Variants in RSBN1 observed in about 807,000 individuals in gnomAD.
The protein encoded by RSBN1 is lysine-specific demethylase 9.
Under a neutral mutation model 74.8 loss-of-function variants are expected in RSBN1, and 23 were observed. The ratio of observed to expected loss-of-function variants is 0.31; its 90% CI spans 0.22 to 0.44. RSBN1 has a LOEUF of 0.44. Ranked by LOEUF, RSBN1 falls within the 20% of genes least tolerant of loss-of-function variation. The pLI, the probability that RSBN1 is intolerant of heterozygous loss-of-function variation, is 1.00. For missense variants in RSBN1, 808 were observed against 1,020.9 expected (o/e 0.79, Z 2.84); for synonymous variants, 407 against 379.6 (o/e 1.07, Z -0.84).
chr1:113,809,874 T>C (rs1660795383), intron 1 of RSBN1, among the ~76,000 whole-genome samples: 1 of 152,224 alleles, frequency 6.6e-6, no homozygotes, highest in Non-Finnish European at 1.5e-5. Context: ...AGGAACCACA[T>C]ACGGCTACCA....
intron 1 of RSBN1, among the ~76,000 whole-genome samples, chr1:113,801,890 TTAA>T (rs1660590830): frequency 6.6e-6 from 1 of 152,204 alleles, no homozygotes; most frequent in Non-Finnish European, 1.5e-5. Context: ...ATATTATCAA[TTAA>T]TGTCATCTGA....
chr1:113,766,762 T>A (rs1211530944), intron 6 of RSBN1, among the ~76,000 whole-genome samples: 1 of 151,982 alleles, frequency 6.6e-6, no homozygotes, highest in Non-Finnish European at 1.5e-5. Context: ...GGCAACATGT[T>A]TTCTTTTCTT....
Position 113,812,450 on chromosome 1 carries a change from T to C in RSBN1, c.-38A>G. 1.3e-6 allele frequency: 2 copies of C among 1,538,210 alleles called. No individual in the cohort carries two copies. The highest frequency in any genetic ancestry group is 1.7e-6 in the Non-Finnish European group (2 of 1,149,304). On this transcript the variant is annotated 5_prime_UTR_variant, in exon 1 of 7. Coordinates refer to ENST00000261441, the MANE Select transcript of RSBN1 (RefSeq NM_018364.5). ...CGTTCCCAGCTTTTCTCCGCAGGCC[T>C]CTCCAACCGAGCTTCTATTGTAAAG...
chr1:113,785,300 T>C (rs556893851), intron 2 of RSBN1, among the ~76,000 whole-genome samples: 1 of 152,356 alleles, frequency 6.6e-6, no homozygotes, highest in South Asian at 2.1e-4. Flanking sequence ...TCATCTGCTA[T>C]GATAACAAAG....
intron 2 of RSBN1, among the ~76,000 whole-genome samples, chr1:113,785,973 TTTTG>T (rs1221637558): frequency 6.6e-6 from 1 of 152,224 alleles, no homozygotes; most frequent in East Asian, 1.9e-4. Flanking sequence ...GCCTTTGGTT[TTTTG>T]TTTGTTTAGT....
intron 2 of RSBN1, among the ~76,000 whole-genome samples, chr1:113,785,245 T>C (rs528079497): frequency 6.6e-6 from 1 of 152,354 alleles, no homozygotes; most frequent in African/African-American, 2.4e-5. Context: ...CTCCACATCT[T>C]GTCCTGCTGA....
chr1:113,777,039 G>C (rs1660047177), intron 4 of RSBN1, among the ~76,000 whole-genome samples, 171 bp downstream of exon 4: 1 of 152,078 alleles, frequency 6.6e-6, no homozygotes, highest in Non-Finnish European at 1.5e-5. Flanking sequence ...TTGTGTTTTA[G>C]AAAAATGCCT....
At chr1:113,772,517 T>G (rs1365593026) in intron 4 of RSBN1, among the ~76,000 whole-genome samples, 2 of 152,196 alleles carry the variant, frequency 1.3e-5, no homozygotes, top group Non-Finnish European at 2.9e-5. Context: ...ATTGTAAGTC[T>G]TGCTGTATTA....
chr1:113,794,036 A>G (rs944834052), intron 2 of RSBN1, among the ~76,000 whole-genome samples: 1 of 152,138 alleles, frequency 6.6e-6, no homozygotes, highest in East Asian at 1.9e-4. Context: ...AACTGAGCTC[A>G]TCAACACCCT....
At chr1:113,801,963 C>CT (rs575070721) in intron 1 of RSBN1, among the ~76,000 whole-genome samples, 2,444 of 144,380 alleles carry the variant, frequency 0.017, 37 homozygotes, top group South Asian at 0.037. Flanking sequence ...TTATTAAGTT[C>CT]TTTTTTTTTT....
intron 1 of RSBN1, among the ~76,000 whole-genome samples, chr1:113,802,858 T>C (rs898858353): frequency 6.6e-6 from 1 of 152,216 alleles, no homozygotes; most frequent in Non-Finnish European, 1.5e-5. Flanking sequence ...ATTATTCGCC[T>C]GCCCGCAGTC....
At chr1:113,770,630 T>G (rs1003754814) in intron 4 of RSBN1, among the ~76,000 whole-genome samples, 9 of 152,214 alleles carry the variant, frequency 5.9e-5, no homozygotes, top group African/African-American at 2.2e-4. Flanking sequence ...TCACTCTAAG[T>G]TGACAACTGA....
chr1:113,812,371 C>T lies in RSBN1; in HGVS notation c.42G>A (p.Ala14=), dbSNP rs766205813. 3.8e-5 allele frequency: 61 copies of T among 1,602,610 alleles called. No homozygotes were observed. Among genetic ancestry groups the T allele is most frequent in the Admixed American group, 2.5e-4 (15 of 59,878 alleles). ...SGRRTADKWR[A]EERLQCPAGS... ...CCGCTGGGCATTGGAGTCTCTCCTC[C>T]GCCCTCCACTTGTCGGCCGTTCTTC... is the stretch of plus-strand genomic sequence containing the variant. The change falls in exon 1 of 7, where the codon GCG becomes GCA. Residue 14 remains alanine, a synonymous_variant. Coordinates refer to ENST00000261441, the MANE Select transcript of RSBN1 (RefSeq NM_018364.5).
At chr1:113,779,999 G>A (rs971406521) in intron 2 of RSBN1, among the ~76,000 whole-genome samples, 12 of 151,206 alleles carry the variant, frequency 7.9e-5, no homozygotes, top group Admixed American at 4.6e-4. Flanking sequence ...CAGCCTGGGC[G>A]ACAGGGCAAG....
intron 1 of RSBN1, among the ~76,000 whole-genome samples, chr1:113,799,657 ATCTATTGGTGGTAGAAT>A (rs1200209067): frequency 6.6e-6 from 1 of 152,000 alleles, no homozygotes; most frequent in African/African-American, 2.4e-5. Context: ...AATGGTAGTT[ATCTATTGGTGGTAGAAT>A]TCTAAATGTC....
intron 2 of RSBN1, among the ~76,000 whole-genome samples, chr1:113,785,568 C>T (rs1384610024): frequency 6.6e-6 from 1 of 152,094 alleles, no homozygotes; most frequent in African/African-American, 2.4e-5. Flanking sequence ...GCAAACCAGA[C>T]CTATTCCTGG....
At chr1:113,787,989 T>TA (rs1272309445) in intron 2 of RSBN1, among the ~76,000 whole-genome samples, 4 of 151,918 alleles carry the variant, frequency 2.6e-5, no homozygotes, top group Admixed American at 6.6e-5. Flanking sequence ...TTGAACAACT[T>TA]AAGAGTATAA....
Position 113,777,266 on chromosome 1 carries a change from T to G in RSBN1, c.1602A>C (p.Pro534=). 3 of 1,613,840 alleles carry G rather than the reference T, an allele frequency of 1.9e-6. No homozygotes were observed. The highest frequency in any genetic ancestry group is 2.5e-6 in the Non-Finnish European group (3 of 1,179,776). The change falls in exon 4 of 7, where the codon CCA becomes CCC. Residue 534 remains proline, a synonymous_variant. Transcript: ENST00000261441. ...SDDGPIMWVR[P]GEQMIPTADM... is the part of the protein sequence containing the mutation. ...CTGCTGTAGGGATCATCTGTTCTCC[T>G]GGCCTTACCCACATTATAGGCCCAT...
chr1:113,792,575 A>C (rs1159180892), intron 2 of RSBN1, among the ~76,000 whole-genome samples: 1 of 152,214 alleles, frequency 6.6e-6, no homozygotes, highest in Non-Finnish European at 1.5e-5. Context: ...GTAATAGTAC[A>C]CACCCGTAGT....
Sources: allele counts gnomAD v4.1 joint callset (sites outside exome capture counted in the v4.1 genomes callset), GRCh38; gene constraint gnomAD v4.1.1; transcripts MANE v1.5; gene names NCBI Gene and HGNC (gene_info 2026-07-23, HGNC 2026-07-21).